Variants in AGBL1 observed in about 807,000 individuals in gnomAD.
AGBL1 encodes the protein cytosolic carboxypeptidase 4.
AGBL1 carries 130 observed loss-of-function variants against 118.9 expected under a neutral mutation model. That is an observed-to-expected ratio of 1.09 (90% CI 0.95 to 1.26). The LOEUF (loss-of-function observed/expected upper bound fraction) is 1.26. Among genes scored for constraint, AGBL1 ranks in the 50% most tolerant of loss-of-function variants. The pLI is 0.00. For missense variants in AGBL1, 1,584 were observed against 1,298.1 expected (o/e 1.22, Z -3.38); for synonymous variants, 555 against 478.9 (o/e 1.16, Z -2.08).
At chr15:86,992,406 C>G (rs1483015644) in intron 24 of AGBL1, among the ~76,000 whole-genome samples, 4 of 152,088 alleles carry the variant, frequency 2.6e-5, no homozygotes, top group African/African-American at 9.7e-5. Flanking sequence ...AAATACATTC[C>G]CATTTAACTT....
At chr15:86,867,877 G>A (rs1035578474) in intron 22 of AGBL1, among the ~76,000 whole-genome samples, 2 of 152,106 alleles carry the variant, frequency 1.3e-5, no homozygotes, top group South Asian at 2.1e-4. Flanking sequence ...TTTATCCATG[G>A]CCGTCCAATA....
chr15:86,247,925 G>T, intron 7 of AGBL1, 46 bp downstream of exon 7: 1 of 1,589,354 alleles, frequency 6.3e-7, no homozygotes, highest in South Asian at 1.1e-5. Flanking sequence ...CCAGCTGGGT[G>T]ATTCCTGAAG....
At chr15:86,500,345 A>T (rs1388193940) in intron 18 of AGBL1, among the ~76,000 whole-genome samples, 2 of 151,876 alleles carry the variant, frequency 1.3e-5, no homozygotes, top group African/African-American at 4.8e-5. Context: ...GCAGATTCAC[A>T]CAAGAAACTG....
chr15:86,870,278 A>G (rs915124280), intron 22 of AGBL1, among the ~76,000 whole-genome samples: 14 of 152,164 alleles, frequency 9.2e-5, no homozygotes, highest in African/African-American at 3.1e-4. Flanking sequence ...CTCAGTTTAC[A>G]AGGGAGAAAT....
chr15:86,342,361 T>C (rs1388022589), intron 17 of AGBL1, among the ~76,000 whole-genome samples: 1 of 152,238 alleles, frequency 6.6e-6, no homozygotes, highest in Non-Finnish European at 1.5e-5. Flanking sequence ...CTATATTTCC[T>C]ACTTCTTTCT....
chr15:86,750,969 C>T (rs1186541366), intron 22 of AGBL1, among the ~76,000 whole-genome samples: 1 of 152,048 alleles, frequency 6.6e-6, no homozygotes, highest in Non-Finnish European at 1.5e-5. Context: ...AGGACATGAT[C>T]TCATTCTTTT....
At chr15:86,191,348 CAAAA>C (rs869108108) in intron 5 of AGBL1, among the ~76,000 whole-genome samples, 150 of 65,094 alleles carry the variant, frequency 2.3e-3, no homozygotes, top group Middle Eastern at 9.3e-3. Context: ...AACTTTGTCT[CAAAA>C]AAAAAAAAAA....
chr15:86,307,358 G>T (rs912389184), intron 17 of AGBL1, among the ~76,000 whole-genome samples: 3 of 152,010 alleles, frequency 2.0e-5, no homozygotes, highest in Non-Finnish European at 4.4e-5. Context: ...ATTTAGCAAA[G>T]ATTTATTGAT....
intron 18 of AGBL1, among the ~76,000 whole-genome samples, chr15:86,418,640 C>T (rs1421805638): frequency 2.0e-5 from 3 of 152,068 alleles, no homozygotes; most frequent in African/African-American, 7.2e-5. Flanking sequence ...TGATAATTTC[C>T]CATAGATTAC....
chr15:86,757,838 T>G (rs577649621), intron 22 of AGBL1, among the ~76,000 whole-genome samples: 1 of 152,114 alleles, frequency 6.6e-6, no homozygotes, highest in South Asian at 2.1e-4. Flanking sequence ...CTCTTTATTC[T>G]TTAACCATAG....
intron 16 of AGBL1, among the ~76,000 whole-genome samples, chr15:86,292,499 T>G (rs1461667982): frequency 6.6e-6 from 1 of 152,158 alleles, no homozygotes; most frequent in Non-Finnish European, 1.5e-5. Flanking sequence ...ATAATAAATT[T>G]GTGTTGTCTT....
chr15:86,946,283 A>C (rs891557102), intron 23 of AGBL1: 1 of 152,246 alleles, frequency 6.6e-6, no homozygotes, highest in African/African-American at 2.4e-5. Context: ...ATCTTGCCTG[A>C]TGGCCAGAAA....
intron 21 of AGBL1, among the ~76,000 whole-genome samples, chr15:86,624,182 C>T (rs1281980309): frequency 1.3e-5 from 2 of 152,204 alleles, no homozygotes; most frequent in African/African-American, 2.4e-5. Flanking sequence ...CTGTCAAATT[C>T]TTCTAAACTT....
intron 23 of AGBL1, among the ~76,000 whole-genome samples, chr15:86,922,875 C>A (rs922292752): frequency 6.6e-6 from 1 of 152,212 alleles, no homozygotes; most frequent in African/African-American, 2.4e-5. Flanking sequence ...GTTTAGATAA[C>A]GGGACTGGTT....
intron 17 of AGBL1, among the ~76,000 whole-genome samples, chr15:86,303,550 T>C (rs570648022): frequency 6.6e-6 from 1 of 152,266 alleles, no homozygotes; most frequent in African/African-American, 2.4e-5. Context: ...TTTGGAAATA[T>C]ACATTTTCAG....
At chr15:86,094,909 T>G (rs370647759) in intron 1 of AGBL1, among the ~76,000 whole-genome samples, 2 of 152,170 alleles carry the variant, frequency 1.3e-5, no homozygotes, top group South Asian at 2.1e-4. Flanking sequence ...GTTAAGGGCT[T>G]AATCCCATGA....
chr15:86,976,048 T>C (rs779740138), intron 23 of AGBL1, among the ~76,000 whole-genome samples: 3 of 152,084 alleles, frequency 2.0e-5, no homozygotes, highest in Non-Finnish European at 2.9e-5. Flanking sequence ...AAAATTATTA[T>C]GTTGGTTACA....
chr15:86,373,703 G>T (rs930958486), intron 17 of AGBL1, among the ~76,000 whole-genome samples: 1 of 152,178 alleles, frequency 6.6e-6, no homozygotes, highest in Non-Finnish European at 1.5e-5. Flanking sequence ...CAGAGGAAAA[G>T]CTGTAGGCAA....
chr15:86,160,102 T>G (rs1401481590), intron 5 of AGBL1, among the ~76,000 whole-genome samples: 12 of 133,070 alleles, frequency 9.0e-5, no homozygotes, highest in Admixed American at 2.8e-4. Context: ...AACTGTGGTT[T>G]TTTTTTTTTT....
Sources: allele counts gnomAD v4.1 joint callset (sites outside exome capture counted in the v4.1 genomes callset), GRCh38; gene constraint gnomAD v4.1.1; transcripts MANE v1.5; gene names NCBI Gene and HGNC (gene_info 2026-07-23, HGNC 2026-07-21).